Variants in TBC1D10C observed in about 807,000 individuals in gnomAD.
TBC1D10C encodes TBC1 domain family member 10C.
TBC1D10C carries 49 observed loss-of-function variants against 51.0 expected under a neutral mutation model. That is an observed-to-expected ratio of 0.96 (90% CI 0.76 to 1.22). The LOEUF is 1.22. Among genes scored for constraint, TBC1D10C ranks in the 50% most tolerant of loss-of-function variants. The pLI is 0.00. For missense variants in TBC1D10C, 541 were observed against 617.5 expected, an observed-to-expected ratio of 0.88 and a Z score of 1.31; for synonymous variants, 281 against 266.7, an observed-to-expected ratio of 1.05 and a Z score of -0.52.
chr11:67,405,372 T>C, intron 2 of TBC1D10C, 27 bp from the exon 3 acceptor site: 1 of 1,607,738 alleles, frequency 6.2e-7, no homozygotes. Flanking sequence ...GGAGGCTGCC[T>C]AGTGGAGCCC....
rs761928254 is a variant in TBC1D10C, at chr11:67,409,787, A to G, written c.*33A>G. Reference sequence around the variant, plus strand: ...ATGGACTTAGTGTCCCCCAGTCTCAATTGCCTGATGGCTGATGCCGGCCCG... The same window carrying G: ...ATGGACTTAGTGTCCCCCAGTCTCAGTTGCCTGATGGCTGATGCCGGCCCG... On this transcript the variant is annotated 3_prime_UTR_variant, in exon 9 of 9. Transcript: ENST00000542590. 2 of 1,517,866 alleles carry G rather than the reference A, an allele frequency of 1.3e-6. No homozygotes were observed. Among genetic ancestry groups the G allele is most frequent in the East Asian group, 2.3e-5 (1 of 44,306 alleles). The allele number at this position is 1,517,866 out of a possible 1,614,324, so 94.0% of individuals were successfully genotyped here.
At chr11:67,407,122 G>T in intron 7 of TBC1D10C, 106 bp downstream of exon 7, 1 of 1,316,454 alleles carries the variant, frequency 7.6e-7, no homozygotes, top group Non-Finnish European at 1.0e-6. Context: ...ACAGGACTGG[G>T]TGTGCCGAAG....
In TBC1D10C at chr11:67,409,725, T is replaced by C; in HGVS notation, c.1312T>C (p.Ser438Pro). Residue 438 changes from serine to proline, a missense_variant, in exon 9 of 9, where the codon TCC becomes CCC. By Grantham distance (74) the Ser-to-Pro change is moderately conservative. Transcript: ENST00000542590. ...GGGGCCCCCCAGGCCCCAACGAGGC[T>C]CCACCTCCTTCCTGGACACCCGCTT... ...IEGPPRPQRG[S>P]TSFLDTRF The C allele has an allele frequency of 2.5e-6, 4 of 1,588,774 alleles. No individual in the cohort carries two copies. Among genetic ancestry groups the C allele is most frequent in the Non-Finnish European group, 3.4e-6 (4 of 1,176,616 alleles).
Position 67,405,387 on chromosome 11 carries a change from C to T in TBC1D10C, c.253-12C>T, listed in dbSNP as rs915992632. On this transcript the variant is annotated splice_polypyrimidine_tract_variant and intron_variant, in intron 2 of 8. Coordinates refer to ENST00000542590, the MANE Select transcript of TBC1D10C (RefSeq NM_001369496.1). Reference sequence around the variant, plus strand: ...GGAGGCTGCCTAGTGGAGCCCTTGGCCTCACCCACAGGTAAAGATGCAGTG... The same window carrying T: ...GGAGGCTGCCTAGTGGAGCCCTTGGTCTCACCCACAGGTAAAGATGCAGTG... The T allele has an allele frequency of 3.7e-6, 6 of 1,612,186 alleles. No individual in the cohort carries two copies. The highest frequency in any genetic ancestry group is 5.1e-6 in the Non-Finnish European group (6 of 1,179,388).
chr11:67,407,224 G>A (rs1173039563), intron 7 of TBC1D10C: 4 of 603,280 alleles, frequency 6.6e-6, no homozygotes, highest in Admixed American at 6.8e-5. Flanking sequence ...TTCCAGAGGA[G>A]GCAGATGGGG....
intron 5 of TBC1D10C, chr11:67,406,369 A>C (rs917467509): frequency 1.3e-5 from 7 of 553,224 alleles, no homozygotes; most frequent in Non-Finnish European, 2.2e-5. Context: ...AGTGAACCCC[A>C]ACCCTGTGAC....
intron 7 of TBC1D10C, 91 bp from the exon 8 acceptor site, chr11:67,408,888 G>C: frequency 7.0e-6 from 10 of 1,437,956 alleles, no homozygotes; most frequent in South Asian, 1.4e-5. Flanking sequence ...AGCTGCAGGA[G>C]AGTGGGAGGC....
chr11:67,409,156 G>T, intron 8 of TBC1D10C, 23 bp downstream of exon 8: 1 of 1,568,986 alleles, frequency 6.4e-7, no homozygotes, highest in South Asian at 1.2e-5. Context: ...ACCTCTCCTT[G>T]GACTTGCCCA....
intron 7 of TBC1D10C, 104 bp from the exon 8 acceptor site, chr11:67,408,875 C>A: frequency 7.2e-7 from 1 of 1,390,312 alleles, no homozygotes; most frequent in Non-Finnish European, 9.5e-7. Flanking sequence ...CCGGGGAGGG[C>A]AGAGCTGCAG....
chr11:67,405,133 G>A lies in TBC1D10C; in HGVS notation c.201G>A (p.Trp67Ter). 1 of 1,551,552 alleles carries A rather than the reference G, an allele frequency of 6.4e-7. No individual in the cohort carries two copies. Among genetic ancestry groups the A allele is most frequent in the Non-Finnish European group, 8.7e-7 (1 of 1,146,990 alleles). ...ADLIRQREMK[W>*]VEMTSHWEKT... ...TCATCCGCCAACGGGAGATGAAGTGGGTGGAGATGACCTCGCACTGGGAGA... is the reference window on the plus strand; with the variant it reads ...TCATCCGCCAACGGGAGATGAAGTGAGTGGAGATGACCTCGCACTGGGAGA... The change falls in exon 2 of 9, where the codon TGG (tryptophan) becomes TGA (stop). Residue 67 changes from tryptophan to a stop codon, truncating the protein, a stop_gained. Transcript: ENST00000542590. LOFTEE classifies it high-confidence loss of function.
rs1863116815 is a variant in TBC1D10C, at chr11:67,405,494, T to G, written c.348T>G (p.Pro116=). Residue 116 remains proline (P), a synonymous_variant, in exon 3 of 9, where the codon CCT becomes CCG. Coordinates refer to ENST00000542590, the MANE Select transcript of TBC1D10C (RefSeq NM_001369496.1). The part of the protein sequence containing the change: ...CGAHVCQKNS[P]GTYQELAEAP... ...CCCATGTGTGCCAGAAGAACAGCCCTGGCACCTATCAGGTGAGGGAGTGGG... is the reference window on the plus strand; with the variant it reads ...CCCATGTGTGCCAGAAGAACAGCCCGGGCACCTATCAGGTGAGGGAGTGGG... 6.2e-7 allele frequency: 1 copy of G among 1,612,576 alleles called. No homozygotes were observed. Among genetic ancestry groups the G allele is most frequent in the Non-Finnish European group, 8.5e-7 (1 of 1,179,708 alleles).
chr11:67,408,965 C>A lies in TBC1D10C; in HGVS notation c.839-14C>A. 6.5e-7 allele frequency: 1 copy of A among 1,535,858 alleles called. No individual in the cohort carries two copies. Among genetic ancestry groups the A allele is most frequent in the Admixed American group, 2.1e-5 (1 of 47,100 alleles). ...CAGGGCCGGCCTCCCAGTGAATAAG[C>A]CCCCGGCCTGCAGGTGCCAGAGTAC... On this transcript the variant is annotated splice_polypyrimidine_tract_variant and intron_variant, in intron 7 of 8. Coordinates refer to ENST00000542590, the MANE Select transcript of TBC1D10C (RefSeq NM_001369496.1).
rs538623782 is a variant in TBC1D10C at position 67,405,517 on chromosome 11, G to C, written c.360+11G>C. 1 of 1,613,646 alleles carries C rather than the reference G, an allele frequency of 6.2e-7. No homozygotes were observed. Among genetic ancestry groups the C allele is most frequent in the South Asian group, 1.1e-5 (1 of 91,078 alleles). On this transcript the variant is annotated intron_variant, in intron 3 of 8. Coordinates refer to ENST00000542590, the MANE Select transcript of TBC1D10C (RefSeq NM_001369496.1). ...CCTGGCACCTATCAGGTGAGGGAGT[G>C]GGCAGGGGCCCCAATTCCCCTACCC...
At chr11:67,406,080 A>G (rs528245639) in intron 5 of TBC1D10C, 63 bp downstream of exon 5, 3 of 1,377,020 alleles carry the variant, frequency 2.2e-6, no homozygotes, top group African/African-American at 2.9e-5. Flanking sequence ...CCCCATCCCC[A>G]GGAACTGTGG....
At chr11:67,407,994 GGCTGGGCAGA>G (rs760376036) in intron 7 of TBC1D10C, 29 of 152,332 alleles carry the variant, frequency 1.9e-4, no homozygotes, top group Admixed American at 3.9e-4. Flanking sequence ...TCGAGAGCAG[GGCTGGGCAGA>G]GCTGGGCAGG....
At chr11:67,408,085 T>C (rs1863270059) in intron 7 of TBC1D10C, 1 of 152,254 alleles carries the variant, frequency 6.6e-6, no homozygotes, top group Non-Finnish European at 1.5e-5. Context: ...GTATGAATAG[T>C]GATTGTTCCT....
rs778177831 is a variant in TBC1D10C, at chr11:67,405,982, G to C, written c.547G>C (p.Val183Leu). Residue 183 changes from valine to leucine, a missense_variant, in exon 5 of 9, where the codon GTG becomes CTG. Physicochemically the swap from Val to Leu is conservative, Grantham distance 32. Transcript: ENST00000542590. ...EQGYCQAQGP[V>L]AAVLLMHLPP... ...GGGCTACTGCCAGGCCCAGGGGCCCGTGGCTGCTGTGCTGCTCATGCACCT... is the reference window on the plus strand; with the variant it reads ...GGGCTACTGCCAGGCCCAGGGGCCCCTGGCTGCTGTGCTGCTCATGCACCT... 6.2e-7 allele frequency: 1 copy of C among 1,604,108 alleles called. No individual in the cohort carries two copies.
At chr11:67,404,077 C>T, upstream of TBC1D10C, 1 of 1,207,794 alleles carries the variant, frequency 8.3e-7, no homozygotes, top group Non-Finnish European at 1.1e-6. Flanking sequence ...ACATAGGGGG[C>T]TTGGTGAGAT....
chr11:67,409,253 G>C, intron 8 of TBC1D10C, 120 bp downstream of exon 8: 1 of 1,420,866 alleles, frequency 7.0e-7, no homozygotes, highest in Middle Eastern at 2.1e-4. Context: ...GAGCTTCAGA[G>C]AACACAAAAA....
Sources: gnomAD v4.1 joint callset for allele counts on GRCh38, gnomAD v4.1.1 for gene constraint, MANE v1.5 for transcripts, NCBI Gene and HGNC (gene_info 2026-07-23, HGNC 2026-07-21) for gene names.